The following PTK2B variants were observed in gnomAD, a reference collection of about 807,000 sequenced individuals.
PTK2B encodes protein-tyrosine kinase 2-beta.
A neutral mutation model predicts 142.9 loss-of-function variants in PTK2B; 71 were observed. That is an observed-to-expected ratio of 0.50 (90% confidence interval 0.41 to 0.61). The LOEUF is 0.61. Ranked by LOEUF, PTK2B falls within the 20% of genes least tolerant of loss-of-function variation. The pLI is 0.00. For missense variants in PTK2B, 1,105 were observed against 1,320.4 expected (o/e 0.84, Z 2.53); for synonymous variants, 519 against 503.4 (o/e 1.03, Z -0.42).
intron 20 of PTK2B, among the ~76,000 whole-genome samples, chr8:27,439,928 A>G (rs1414890861): frequency 1.3e-5 from 2 of 152,158 alleles, no homozygotes; most frequent in African/African-American, 4.8e-5. Flanking sequence ...AGCTTTACTA[A>G]GGAGTGGCTC....
chr8:27,340,906 G>A (rs1186864182), intron 1 of PTK2B, among the ~76,000 whole-genome samples: 2 of 152,224 alleles, frequency 1.3e-5, no homozygotes, highest in Admixed American at 1.3e-4. Context: ...TATGTGCAGT[G>A]GGGAGGGGGG....
chr8:27,314,859 T>G lies in PTK2B; in HGVS notation c.-414+1572T>G, dbSNP rs924715719. Among the ~76,000 whole-genome samples, 5 of 152,354 alleles carry G rather than the reference T, an allele frequency of 3.3e-5. 1 individual carries two copies. Among genetic ancestry groups the G allele is most frequent in the Middle Eastern group, 3.4e-3 (1 of 294 alleles). On this transcript the variant is annotated intron_variant, in intron 3 of 35. Coordinates refer to the PTK2B transcript ENST00000397501. The stretch of plus-strand genomic sequence containing the variant: ...TGGAGGCTGAGGTGGGAGAATCGCT[T>G]GAATCCGGGAGGTGGCAGTGAGTCG...
chr8:27,412,892 G>T (rs1169046189), intron 2 of PTK2B, among the ~76,000 whole-genome samples: 1 of 152,144 alleles, frequency 6.6e-6, no homozygotes, highest in African/African-American at 2.4e-5. Context: ...TATGGGTAGG[G>T]GAGAAGGTGC....
In PTK2B at chr8:27,459,289, A is replaced by C; in HGVS notation, c.*780A>C. 1.3e-5 allele frequency: 3 copies of C among 233,288 alleles called. No individual in the cohort carries two copies. Among genetic ancestry groups the C allele is most frequent in the Non-Finnish European group, 2.5e-5 (3 of 118,290 alleles). The allele number at this position is 233,288 out of a possible 1,614,324, so 14.5% of individuals were successfully genotyped here. A position where few individuals can be genotyped will look rare whatever the true frequency, so the allele number is the denominator to read the frequency against. On this transcript the variant is annotated 3_prime_UTR_variant, in exon 31 of 31. Transcript: ENST00000346049. ...CCTCCTCTTTCTCTCCCCAACCCCCATTCTCATCTGCACCCTTCTTTTCTC... is the reference window on the plus strand; with the variant it reads ...CCTCCTCTTTCTCTCCCCAACCCCCCTTCTCATCTGCACCCTTCTTTTCTC...
At chr8:27,434,769 AAGT>A (rs933729988) in intron 13 of PTK2B, among the ~76,000 whole-genome samples, 1 of 152,170 alleles carries the variant, frequency 6.6e-6, no homozygotes, top group African/African-American at 2.4e-5. Flanking sequence ...TGGGAGGCCA[AAGT>A]GGATGGATCA....
At chr8:27,451,670 C>T (rs1338566700) in intron 27 of PTK2B, 161 bp downstream of exon 27, 15 of 1,476,876 alleles carry the variant, frequency 1.0e-5, no homozygotes, top group African/African-American at 1.4e-5. Context: ...GCCAGCTTCC[C>T]CTCCGCTCCC....
chr8:27,404,461 C>A (rs62502405), intron 2 of PTK2B, among the ~76,000 whole-genome samples: 1 of 152,184 alleles, frequency 6.6e-6, no homozygotes, highest in Non-Finnish European at 1.5e-5. Flanking sequence ...ACATTCACAT[C>A]CTCAGGAGGG....
upstream of PTK2B, chr8:27,310,845 C>T (rs1802922936): frequency 6.2e-7 from 1 of 1,609,220 alleles, no homozygotes; most frequent in East Asian, 2.2e-5. Context: ...ACGCGGTGCC[C>T]CTGGTGTCGG....
In PTK2B at chr8:27,450,830, C is replaced by G. The variant is rs1461744727; in HGVS notation, c.2422C>G (p.Leu808Val). Residue 808 changes from leucine to valine, a missense_variant, in exon 25 of 31, where the codon CTG becomes GTG. Coordinates refer to ENST00000346049, the MANE Select transcript of PTK2B (RefSeq NM_173176.3). Reference sequence around the variant, plus strand: ...TGAAAAGGTCAAAATGCGGCAAATCCTGGACAAACAGCAGAAGCAGATGGT... The same window carrying G: ...TGAAAAGGTCAAAATGCGGCAAATCGTGGACAAACAGCAGAAGCAGATGGT... ...EAEKVKMRQI[L>V]DKQQKQMVED... The G allele has an allele frequency of 6.2e-7, 1 of 1,614,204 alleles. No homozygotes were observed.
chr8:27,439,442 C>T, intron 20 of PTK2B, 44 bp downstream of exon 20: 1 of 1,559,454 alleles, frequency 6.4e-7, no homozygotes, highest in Middle Eastern at 1.7e-4. Flanking sequence ...TTCAGATTCT[C>T]ACTTCTGAAC....
intron 2 of PTK2B, among the ~76,000 whole-genome samples, chr8:27,415,397 AT>A (rs1414450040): frequency 6.6e-6 from 1 of 152,220 alleles, no homozygotes; most frequent in African/African-American, 2.4e-5. Context: ...GAGAACACAG[AT>A]TTGTTAATAA....
chr8:27,344,421 C>G (rs1387482932), intron 1 of PTK2B, among the ~76,000 whole-genome samples: 3 of 152,216 alleles, frequency 2.0e-5, no homozygotes, highest in African/African-American at 7.2e-5. Flanking sequence ...CTCAGCTTTC[C>G]TGCATGCTGA....
intron 1 of PTK2B, among the ~76,000 whole-genome samples, chr8:27,345,577 G>T (rs1432064202): frequency 6.6e-6 from 1 of 152,202 alleles, no homozygotes; most frequent in Non-Finnish European, 1.5e-5. Context: ...CAGGAGTGGG[G>T]TGTGGATGAT....
intron 1 of PTK2B, among the ~76,000 whole-genome samples, chr8:27,349,848 G>A (rs1804940558): frequency 6.6e-6 from 1 of 152,182 alleles, no homozygotes; most frequent in Admixed American, 6.5e-5. Context: ...ATGGTTGCTT[G>A]CCCTTCAAGG....
chr8:27,429,980 G>A, intron 5 of PTK2B, 113 bp from the exon 6 acceptor site: 1 of 970,626 alleles, frequency 1.0e-6, no homozygotes. Flanking sequence ...CCTTTCTCCT[G>A]ATGATTCCCA....
chr8:27,381,076 C>T (rs543337133), intron 1 of PTK2B, among the ~76,000 whole-genome samples: 11 of 152,188 alleles, frequency 7.2e-5, no homozygotes, highest in African/African-American at 2.6e-4. Context: ...TGCATAATAA[C>T]TGTACATATT....
intron 3 of PTK2B, chr8:27,313,336 G>A (rs760524426): frequency 6.6e-6 from 1 of 152,280 alleles, no homozygotes; most frequent in Non-Finnish European, 1.5e-5. Context: ...GTCAGTCTAA[G>A]GCAGTTCTTT....
At chr8:27,337,462 A>G (rs942634989) in intron 1 of PTK2B, among the ~76,000 whole-genome samples, 1 of 152,172 alleles carries the variant, frequency 6.6e-6, no homozygotes, top group South Asian at 2.1e-4. Flanking sequence ...TAATTGCAGA[A>G]TATTCTCGTC....
chr8:27,388,474 T>C (rs771340169), intron 1 of PTK2B, among the ~76,000 whole-genome samples: 1 of 152,222 alleles, frequency 6.6e-6, no homozygotes, highest in Non-Finnish European at 1.5e-5. Flanking sequence ...CCATGCACCT[T>C]GTACATTGTT....
Sources: gnomAD v4.1 joint callset for allele counts (sites outside exome capture counted in the v4.1 genomes callset) on GRCh38, gnomAD v4.1.1 for gene constraint, MANE v1.5 for transcripts, NCBI Gene and HGNC (gene_info 2026-07-23, HGNC 2026-07-21) for gene names.